Variants in OTOP3 observed in about 807,000 individuals in gnomAD.
OTOP3 encodes the protein otopetrin 3.
A neutral mutation model predicts 50.8 loss-of-function variants in OTOP3; 41 were observed. The ratio of observed to expected loss-of-function variants is 0.81; its 90% confidence interval spans 0.63 to 1.05. The LOEUF (loss-of-function observed/expected upper bound fraction) is 1.05, where lower values mean the gene tolerates loss of function less well. OTOP3 is among the 50% of genes least tolerant of loss of function. OTOP3 has a pLI of 0.00. For synonymous variants in OTOP3, 320 were observed against 324.4 expected (o/e 0.99, Z 0.14); for missense variants, 788 against 760.8 (o/e 1.04, Z -0.42).
intron 1 of OTOP3, among the ~76,000 whole-genome samples, chr17:74,940,088 TACAC>T (rs35662550): frequency 0.063 from 7,650 of 122,110 alleles, 263 homozygotes; most frequent in South Asian, 0.11. Context: ...ATATATATTA[TACAC>T]ACACACACAC....
intron 1 of OTOP3, among the ~76,000 whole-genome samples, chr17:74,940,136 CAT>C (rs1464752408): frequency 1.6e-5 from 2 of 128,252 alleles, no homozygotes; most frequent in African/African-American, 2.9e-5. Context: ...CACACACATA[CAT>C]ATATACATAT....
Position 74,943,689 on chromosome 17 carries a change from A to G in OTOP3, c.716A>G (p.Glu239Gly). The change falls in exon 5 of 7, where the codon GAA becomes GGA. Residue 239 changes from glutamate to glycine, a missense_variant. Transcript: ENST00000328801. The stretch of plus-strand genomic sequence containing the variant: ...AATGACTCCATGCACCGAGAGATCG[A>G]AGCTGAGCTTGGCATCCTCATGGAA... Reference protein sequence around the residue: ...VTNDSMHREIEAELGILMEKS... With the variant: ...VTNDSMHREIGAELGILMEKS... The G allele has an allele frequency of 2.5e-6, 4 of 1,611,188 alleles. No individual in the cohort carries two copies. Among genetic ancestry groups the G allele is most frequent in the Non-Finnish European group, 3.4e-6 (4 of 1,179,912 alleles).
chr17:74,940,088 TACACACACACACACACACACAC>T (rs35662550), intron 1 of OTOP3, among the ~76,000 whole-genome samples: 9 of 122,350 alleles, frequency 7.4e-5, no homozygotes, highest in African/African-American at 1.9e-4. Flanking sequence ...ATATATATTA[TACACACACACACACACACACAC>T]ACACACACAC....
chr17:74,946,734 C>T lies in OTOP3; in HGVS notation c.825C>T (p.Leu275=). 6.2e-7 allele frequency: 1 copy of T among 1,613,322 alleles called. No individual in the cohort carries two copies. Among genetic ancestry groups the T allele is most frequent in the Non-Finnish European group, 8.5e-7 (1 of 1,180,016 alleles). ...CTTTCCGGAGAGGCTTCCTGATGCTCTACCCCTTCAGCACTGAGTACTGCC... is the reference window on the plus strand; with the variant it reads ...CTTTCCGGAGAGGCTTCCTGATGCTTTACCCCTTCAGCACTGAGTACTGCC... The part of the protein sequence containing the change: ...CEAFRRGFLM[L]YPFSTEYCLI... Residue 275 remains leucine, a synonymous_variant, in exon 6 of 7, where the codon CTC becomes CTT. Coordinates refer to ENST00000328801, the MANE Select transcript of OTOP3 (RefSeq NM_001272005.2).
Position 74,947,419 on chromosome 17 carries a change from T to A in OTOP3, c.1510T>A (p.Trp504Arg), listed in dbSNP as rs2039240575. 1.2e-6 allele frequency: 2 copies of A among 1,612,208 alleles called. No individual in the cohort carries two copies. Among genetic ancestry groups the A allele is most frequent in the South Asian group, 2.2e-5 (2 of 91,064 alleles). ...CATCCACTCCTACAGCCACCTCAACTGGAAGCGGAGGGCACTCAAGGAGAT... is the reference window on the plus strand; with the variant it reads ...CATCCACTCCTACAGCCACCTCAACAGGAAGCGGAGGGCACTCAAGGAGAT... Reference protein sequence around the residue: ...AYIHSYSHLNWKRRALKEISL... With the variant: ...AYIHSYSHLNRKRRALKEISL... Residue 504 changes from tryptophan to arginine, a missense_variant, in exon 6 of 7, where the codon TGG becomes AGG. Trp to Arg is a moderately radical substitution (Grantham distance 101, BLOSUM62 -3). Transcript: ENST00000328801.
intron 6 of OTOP3, among the ~76,000 whole-genome samples, chr17:74,948,928 G>A (rs911172167): frequency 1.3e-5 from 2 of 152,232 alleles, no homozygotes; most frequent in Non-Finnish European, 2.9e-5. Context: ...CAGCTTGACA[G>A]AGCAGGTGGC....
chr17:74,946,540 G>C (rs1346842070), intron 5 of OTOP3, 121 bp from the exon 6 acceptor site: 2 of 790,382 alleles, frequency 2.5e-6, no homozygotes, highest in African/African-American at 3.5e-5. Context: ...TTGGTAAAAT[G>C]AGCGGCTGGG....
chr17:74,949,412 C>T lies in OTOP3; in HGVS notation c.1733C>T (p.Ala578Val). The T allele has an allele frequency of 6.2e-6, 10 of 1,611,736 alleles. No homozygotes were observed. The highest frequency in any genetic ancestry group is 8.5e-6 in the Non-Finnish European group (10 of 1,179,312). The change falls in exon 7 of 7, where the codon GCC becomes GTC. Residue 578 changes from alanine to valine, a missense_variant. Coordinates refer to ENST00000328801, the MANE Select transcript of OTOP3 (RefSeq NM_001272005.2). ...GGCCTGGTGGAGGTCTACCTGGGGG[C>T]CTGAGGCTGCCCACCCCCGGCAGAA... ...VGGLVEVYLG[A>V]
chr17:74,947,112 A>T lies in OTOP3; in HGVS notation c.1203A>T (p.Leu401=). ...CCCGCAGCCTGGATGTGGTGCTGCT[A>T]ATGGGTGCTGCACTGGGCCAGATGG... ...NPTRSLDVVL[L]MGAALGQMGI... Residue 401 remains leucine (L), a synonymous_variant, in exon 6 of 7, where the codon CTA becomes CTT. Coordinates refer to ENST00000328801, the MANE Select transcript of OTOP3 (RefSeq NM_001272005.2). 6.2e-7 allele frequency: 1 copy of T among 1,614,178 alleles called. No individual in the cohort carries two copies. The highest frequency in any genetic ancestry group is 8.5e-7 in the Non-Finnish European group (1 of 1,180,046).
At chr17:74,948,553 G>A (rs1026889223) in intron 6 of OTOP3, among the ~76,000 whole-genome samples, 5 of 152,184 alleles carry the variant, frequency 3.3e-5, no homozygotes, top group East Asian at 1.9e-4. Context: ...CCAGCTACTC[G>A]GGAGGCTGAG....
At chr17:74,936,961 C>CCCTTTT (rs1555629576) in intron 1 of OTOP3, among the ~76,000 whole-genome samples, 9 of 101,320 alleles carry the variant, frequency 8.9e-5, no homozygotes, top group Non-Finnish European at 1.4e-4. Context: ...CCCCCCCACC[C>CCCTTTT]TTTTTTTTTT....
At chr17:74,936,898 G>C (rs2039121657) in intron 1 of OTOP3, among the ~76,000 whole-genome samples, 1 of 150,916 alleles carries the variant, frequency 6.6e-6, no homozygotes, top group South Asian at 2.1e-4. Flanking sequence ...CCCGTGCTTC[G>C]TGCATGTATT....
chr17:74,948,986 C>T (rs972498702), intron 6 of OTOP3, among the ~76,000 whole-genome samples: 9 of 152,244 alleles, frequency 5.9e-5, no homozygotes, highest in African/African-American at 2.2e-4. Flanking sequence ...AGCCTGGGGT[C>T]TCCTGACCCA....
rs2039257897 is a variant in OTOP3 at position 74,949,143 on chromosome 17, G to A, written c.1567-103G>A. ...AGAAGAAGACTGAGCGGGAGGTGGG[G>A]GTGGCACTGGAGGGGCTGCAGGTTT... On this transcript the variant is annotated intron_variant, in intron 6 of 6. Coordinates refer to ENST00000328801, the MANE Select transcript of OTOP3 (RefSeq NM_001272005.2). The A allele has an allele frequency of 2.6e-6, 3 of 1,157,218 alleles. No homozygotes were observed. In the Admixed American group the frequency reaches 5.7e-5, roughly 22 times the overall value. The allele number at this position is 1,157,218 out of a possible 1,614,324, so 71.7% of individuals were successfully genotyped here.
chr17:74,938,346 G>A (rs2039138647), intron 1 of OTOP3, among the ~76,000 whole-genome samples: 2 of 151,814 alleles, frequency 1.3e-5, no homozygotes, highest in Admixed American at 1.3e-4. Flanking sequence ...GGGTCTCAAG[G>A]GAGAGACAGA....
At chr17:74,947,519 G>T (rs1185482092) in intron 6 of OTOP3, 44 bp downstream of exon 6, 1 of 1,504,442 alleles carries the variant, frequency 6.6e-7, no homozygotes, top group Non-Finnish European at 8.9e-7. Flanking sequence ...AGGTGGCCAG[G>T]CAGACCCAGA....
chr17:74,940,039 G>A (rs1424006404), intron 1 of OTOP3, among the ~76,000 whole-genome samples: 1 of 149,654 alleles, frequency 6.7e-6, no homozygotes, highest in Admixed American at 6.7e-5. Context: ...CTCCTGAGTA[G>A]TTGGGACTAT....
At chr17:74,942,363 G>T (rs956959668) in intron 3 of OTOP3, among the ~76,000 whole-genome samples, 71 of 152,230 alleles carry the variant, frequency 4.7e-4, no homozygotes, top group African/African-American at 1.6e-3. Flanking sequence ...GGGCGCAGTG[G>T]CTCACGCCTG....
At chr17:74,944,638 T>A (rs922896613) in intron 5 of OTOP3, among the ~76,000 whole-genome samples, 2 of 152,148 alleles carry the variant, frequency 1.3e-5, no homozygotes, top group African/African-American at 4.8e-5. Flanking sequence ...GTGCCTGTAA[T>A]CCCAGCTACT....
Sources: allele counts gnomAD v4.1 joint callset (sites outside exome capture counted in the v4.1 genomes callset), GRCh38; gene constraint gnomAD v4.1.1; transcripts MANE v1.5; gene names NCBI Gene and HGNC (gene_info 2026-07-23, HGNC 2026-07-21).